SH3KBP1: variants seen among roughly 807,000 people sequenced by gnomAD.
SH3KBP1 encodes the protein SH3 domain containing kinase binding protein 1.
In SH3KBP1, 8 loss-of-function variants were observed where a neutral mutation model predicts 50.1. The ratio of observed to expected loss-of-function variants is 0.16; its 90% CI spans 0.09 to 0.29. The LOEUF is 0.29. Among genes scored for constraint, SH3KBP1 ranks in the 10% least tolerant of loss-of-function variants. The pLI, the probability that SH3KBP1 is intolerant of heterozygous loss-of-function variation, is 1.00. For synonymous variants in SH3KBP1, 227 were observed against 218.6 expected, an observed-to-expected ratio of 1.04 and a Z score of -0.34; for missense variants, 377 against 535.2, an observed-to-expected ratio of 0.70 and a Z score of 2.92.
chrX:19,607,576 C>T (rs2067277589), intron 9 of SH3KBP1, among the ~76,000 whole-genome samples: 1 of 112,249 alleles, frequency 8.9e-6, no homozygotes, highest in African/African-American at 3.2e-5. Flanking sequence ...ACAACACTGG[C>T]TACTTTCCCA....
intron 9 of SH3KBP1, among the ~76,000 whole-genome samples, chrX:19,597,174 G>T (rs1017133119): frequency 1.8e-5 from 2 of 112,174 alleles, no homozygotes; most frequent in Non-Finnish European, 1.9e-5. Flanking sequence ...GCTGCAGAAC[G>T]GATGTTGTAG....
At chrX:19,845,356 T>C (rs1474751390) in intron 1 of SH3KBP1, among the ~76,000 whole-genome samples, 2 of 107,055 alleles carry the variant, frequency 1.9e-5, no homozygotes, top group African/African-American at 3.4e-5. Context: ...TGGGCACCTG[T>C]AGTCCCCGCT....
intron 3 of SH3KBP1, among the ~76,000 whole-genome samples, chrX:19,745,687 G>A (rs924419631): frequency 1.8e-5 from 2 of 111,792 alleles, no homozygotes; most frequent in Non-Finnish European, 3.8e-5. Flanking sequence ...GAGTGGGGTC[G>A]TCTCTGCAGT....
chrX:19,853,273 G>A (rs1021381413), intron 1 of SH3KBP1, among the ~76,000 whole-genome samples: 1 of 112,290 alleles, frequency 8.9e-6, no homozygotes, highest in Admixed American at 9.4e-5. Context: ...GGGCCCAGGT[G>A]CCCCAGGGCT....
chrX:19,768,174 C>T (rs766467999), intron 2 of SH3KBP1, among the ~76,000 whole-genome samples: 1 of 109,410 alleles, frequency 9.1e-6, no homozygotes, highest in South Asian at 4.0e-4. Context: ...GGATCTATTA[C>T]CCTCCTCAGC....
chrX:19,825,259 T>C (rs938125376), intron 2 of SH3KBP1, among the ~76,000 whole-genome samples: 4 of 112,417 alleles, frequency 3.6e-5, no homozygotes, highest in African/African-American at 1.3e-4. Flanking sequence ...GGTTGTTCTT[T>C]TGAGTTGAAA....
chrX:19,836,825 T>C (rs892405979), intron 1 of SH3KBP1, among the ~76,000 whole-genome samples: 1 of 111,972 alleles, frequency 8.9e-6, no homozygotes, highest in African/African-American at 3.2e-5. Flanking sequence ...TGGGAGGTAA[T>C]TGAACTATGA....
intron 2 of SH3KBP1, among the ~76,000 whole-genome samples, chrX:19,783,756 TAAAC>T (rs1351604794): frequency 1.8e-5 from 2 of 111,931 alleles, no homozygotes; most frequent in Non-Finnish European, 3.8e-5. Context: ...AAAAAAAACT[TAAAC>T]ACACACACAA....
intron 2 of SH3KBP1, among the ~76,000 whole-genome samples, chrX:19,783,107 G>A (rs909394426): frequency 8.9e-6 from 1 of 112,006 alleles, no homozygotes; most frequent in East Asian, 2.8e-4. Context: ...GTGACAGAGC[G>A]AGACCCTGTC....
intron 1 of SH3KBP1, among the ~76,000 whole-genome samples, chrX:19,855,934 G>A (rs1007430662): frequency 2.7e-5 from 3 of 110,634 alleles, no homozygotes; most frequent in African/African-American, 3.3e-5. Context: ...TTCCACAGAT[G>A]ACCTAATACA....
chrX:19,822,199 A>G (rs2067549774), intron 2 of SH3KBP1, among the ~76,000 whole-genome samples: 1 of 112,110 alleles, frequency 8.9e-6, no homozygotes, highest in South Asian at 3.7e-4. Context: ...AATTCTGAAG[A>G]TTTATGCTTT....
chrX:19,822,119 A>G (rs1470823752), intron 2 of SH3KBP1, among the ~76,000 whole-genome samples: 2 of 112,154 alleles, frequency 1.8e-5, no homozygotes, highest in African/African-American at 6.5e-5. Flanking sequence ...CATTTTTAGA[A>G]GCTTGATTAG....
chrX:19,706,610 G>A (rs1008042889), intron 4 of SH3KBP1, among the ~76,000 whole-genome samples: 1 of 110,803 alleles, frequency 9.0e-6, no homozygotes, highest in Non-Finnish European at 1.9e-5. Context: ...AAGTAGAAGA[G>A]AAACTTGGTG....
chrX:19,755,152 G>A (rs1167536610), intron 2 of SH3KBP1, among the ~76,000 whole-genome samples: 1 of 111,267 alleles, frequency 9.0e-6, no homozygotes, highest in Non-Finnish European at 1.9e-5. Flanking sequence ...GGCGGATCAC[G>A]AGGTCAGGAG....
intron 2 of SH3KBP1, among the ~76,000 whole-genome samples, chrX:19,780,509 T>TC (rs1176005058): frequency 9.5e-6 from 1 of 105,054 alleles, no homozygotes; most frequent in Non-Finnish European, 2.0e-5. Context: ...AGACATGAAG[T>TC]CCTTGCCCAT....
At chrX:19,552,832 C>T (rs2065280603) in intron 13 of SH3KBP1, among the ~76,000 whole-genome samples, 1 of 109,962 alleles carries the variant, frequency 9.1e-6, no homozygotes, top group Admixed American at 9.8e-5. Flanking sequence ...AGCTGAGAAG[C>T]ACTGCTCTAG....
intron 8 of SH3KBP1, among the ~76,000 whole-genome samples, chrX:19,623,042 CAAAAAAAAA>C (rs773914815): frequency 4.5e-4 from 10 of 22,244 alleles, no homozygotes; most frequent in East Asian, 1.5e-3. Context: ...CACTCTGACT[CAAAAAAAAA>C]AAAAAAAAAA....
chrX:19,779,499 C>G (rs1347066819), intron 2 of SH3KBP1, among the ~76,000 whole-genome samples: 20 of 103,746 alleles, frequency 1.9e-4, no homozygotes, highest in South Asian at 9.1e-4. Flanking sequence ...CATATGTATA[C>G]ATGTGCCATG....
At chrX:19,868,148 C>G (rs1286903943) in intron 1 of SH3KBP1, among the ~76,000 whole-genome samples, 2 of 112,081 alleles carry the variant, frequency 1.8e-5, no homozygotes, top group Non-Finnish European at 3.8e-5. Context: ...CCACGATGTG[C>G]TAGTGTGGGC....
Sources: gnomAD v4.1 joint callset for allele counts (sites outside exome capture counted in the v4.1 genomes callset) on GRCh38, gnomAD v4.1.1 for gene constraint, MANE v1.5 for transcripts, NCBI Gene and HGNC (gene_info 2026-07-23, HGNC 2026-07-21) for gene names.